DLGAP2: variants seen among roughly 807,000 people sequenced by gnomAD.
The protein encoded by DLGAP2 is DLG associated protein 2, also known as disks large-associated protein 2.
Under a neutral mutation model 100.3 loss-of-function variants are expected in DLGAP2, and 26 were observed. The ratio of observed to expected loss-of-function variants is 0.26; its 90% CI spans 0.19 to 0.36. The LOEUF (loss-of-function observed/expected upper bound fraction) is 0.36. Ranked by LOEUF, DLGAP2 falls within the 10% of genes least tolerant of loss-of-function variation. DLGAP2 has a pLI of 1.00. For missense variants in DLGAP2, 1,858 were observed against 1,453.2 expected, an observed-to-expected ratio of 1.28 and a Z score of -4.53; for synonymous variants, 886 against 630.1, an observed-to-expected ratio of 1.41 and a Z score of -6.08.
intron 1 of DLGAP2, among the ~76,000 whole-genome samples, chr8:868,472 G>A (rs1053929449): frequency 1.1e-4 from 16 of 152,204 alleles, no homozygotes; most frequent in African/African-American, 3.4e-4. Flanking sequence ...CCTGGTTGGC[G>A]CACGGTGAGC....
chr8:1,694,560 G>C (rs1585071408), intron 13 of DLGAP2, among the ~76,000 whole-genome samples: 1 of 152,324 alleles, frequency 6.6e-6, no homozygotes, highest in African/African-American at 2.4e-5. Flanking sequence ...CGTGTGGCCT[G>C]ATTGCTGTGC....
At chr8:1,376,519 C>A (rs1802391655) in intron 3 of DLGAP2, among the ~76,000 whole-genome samples, 2 of 152,194 alleles carry the variant, frequency 1.3e-5, no homozygotes, top group South Asian at 4.2e-4. Context: ...CGTGCTGGTA[C>A]AATTGAGGCG....
chr8:869,384 G>T (rs143298160), intron 1 of DLGAP2, among the ~76,000 whole-genome samples: 2 of 152,130 alleles, frequency 1.3e-5, no homozygotes, highest in Non-Finnish European at 2.9e-5. Context: ...TTTATTTGCA[G>T]TTTTGTTTCT....
chr8:783,601 G>A (rs1470252846), intron 1 of DLGAP2, among the ~76,000 whole-genome samples: 1 of 152,178 alleles, frequency 6.6e-6, no homozygotes, highest in Non-Finnish European at 1.5e-5. Context: ...TTTTAAGGAA[G>A]TTGATTTCTT....
intron 2 of DLGAP2, among the ~76,000 whole-genome samples, chr8:1,065,079 C>T (rs549476582): frequency 6.6e-6 from 1 of 152,232 alleles, no homozygotes; most frequent in Non-Finnish European, 1.5e-5. Flanking sequence ...CAGGGGATTT[C>T]TGAGAAAATA....
chr8:959,444 A>G lies in DLGAP2; in HGVS notation c.73+51478A>G, dbSNP rs1799671383. 1.3e-5 allele frequency among the ~76,000 whole-genome samples: 2 copies of G among 152,212 alleles called. 1 individual carries two copies. The highest frequency in any genetic ancestry group is 4.1e-4 in the South Asian group (2 of 4,828). On this transcript the variant is annotated intron_variant, in intron 2 of 14. Coordinates refer to ENST00000637795, the MANE Select transcript of DLGAP2 (RefSeq NM_001346810.2). ...CGATTTTCCCACAGCCTTAGCTCTG[A>G]GAATGCCCTGGCTCATGCTGGCTTA... is the stretch of plus-strand genomic sequence containing the variant.
chr8:1,043,098 G>C (rs1802408568), intron 2 of DLGAP2, among the ~76,000 whole-genome samples: 1 of 148,122 alleles, frequency 6.8e-6, no homozygotes, highest in East Asian at 2.1e-4. Context: ...GGATGTAGGT[G>C]GTGGATATGG....
chr8:1,249,166 T>C (rs756079861), intron 2 of DLGAP2, among the ~76,000 whole-genome samples: 3 of 152,196 alleles, frequency 2.0e-5, no homozygotes, highest in Non-Finnish European at 4.4e-5. Flanking sequence ...TACCCTTGCC[T>C]GCTTTACTGC....
chr8:1,074,205 A>G (rs13272450), intron 2 of DLGAP2, among the ~76,000 whole-genome samples: 30 of 138,356 alleles, frequency 2.2e-4, no homozygotes, highest in South Asian at 4.7e-4. Context: ...AGCAGACTGA[A>G]GCTGAACTCA....
At chr8:1,278,004 AT>A (rs1799739047) in intron 3 of DLGAP2, among the ~76,000 whole-genome samples, 1 of 152,200 alleles carries the variant, frequency 6.6e-6, no homozygotes, top group African/African-American at 2.4e-5. Context: ...AAAACAAGTT[AT>A]TATTTTTAGT....
At chr8:1,669,171 C>T (rs1165115894) in intron 9 of DLGAP2, among the ~76,000 whole-genome samples, 2 of 152,176 alleles carry the variant, frequency 1.3e-5, no homozygotes, top group Non-Finnish European at 2.9e-5. Flanking sequence ...TGGACGTGCT[C>T]ACAGCAACTT....
intron 2 of DLGAP2, among the ~76,000 whole-genome samples, chr8:1,237,603 C>T (rs1176783135): frequency 7.7e-5 from 11 of 142,014 alleles, no homozygotes; most frequent in Admixed American, 1.4e-4. Flanking sequence ...TCTCACATGG[C>T]GCCGTGTCTA....
chr8:1,011,247 T>C (rs1329263441), intron 2 of DLGAP2, among the ~76,000 whole-genome samples: 1 of 148,240 alleles, frequency 6.7e-6, no homozygotes, highest in African/African-American at 2.5e-5. Context: ...GTCTACACAG[T>C]GAGCCCTAGA....
At chr8:1,412,260 G>A (rs1316097101) in intron 3 of DLGAP2, among the ~76,000 whole-genome samples, 1 of 152,168 alleles carries the variant, frequency 6.6e-6, no homozygotes, top group Non-Finnish European at 1.5e-5. Flanking sequence ...CTGAGCGCTA[G>A]ACTCTGCAGC....
intron 2 of DLGAP2, among the ~76,000 whole-genome samples, chr8:1,228,412 T>C (rs4388476): frequency 0.03 from 4,626 of 152,294 alleles, 233 homozygotes; most frequent in African/African-American, 0.1. Flanking sequence ...ATCTTACATA[T>C]GCTCTTTCAA....
chr8:1,121,805 A>T (rs17746534), intron 2 of DLGAP2, among the ~76,000 whole-genome samples: 41,636 of 152,148 alleles, frequency 0.27, 6,809 homozygotes, highest in Non-Finnish European at 0.38. Flanking sequence ...GTGGCCTCTC[A>T]TCCTCATTCC....
At chr8:1,434,116 A>C (rs1797546033) in intron 3 of DLGAP2, among the ~76,000 whole-genome samples, 1 of 152,122 alleles carries the variant, frequency 6.6e-6, no homozygotes, top group African/African-American at 2.4e-5. Context: ...TGGAGCATGG[A>C]GACGTGGCCG....
At chr8:1,326,574 G>T (rs888084964) in intron 3 of DLGAP2, among the ~76,000 whole-genome samples, 1 of 151,608 alleles carries the variant, frequency 6.6e-6, no homozygotes, top group Non-Finnish European at 1.5e-5. Flanking sequence ...GTCTCAGTCC[G>T]GGCTTGTCAC....
chr8:1,146,666 T>TGCATGTGTGTGC (rs2129051099), intron 2 of DLGAP2, among the ~76,000 whole-genome samples: 1 of 152,238 alleles, frequency 6.6e-6, no homozygotes, highest in African/African-American at 2.4e-5. Context: ...CACGTGTGTG[T>TGCATGTGTGTGC]GCATGTGTGT....
Sources: allele counts gnomAD v4.1 joint callset (sites outside exome capture counted in the v4.1 genomes callset), GRCh38; gene constraint gnomAD v4.1.1; transcripts MANE v1.5; gene names NCBI Gene and HGNC (gene_info 2026-07-23, HGNC 2026-07-21).